Variants in RNGTT observed in about 807,000 individuals in gnomAD.
The protein encoded by RNGTT is mRNA-capping enzyme.
Under a neutral mutation model 79.3 loss-of-function variants are expected in RNGTT, and 33 were observed. The ratio of observed to expected loss-of-function variants is 0.42; its 90% confidence interval spans 0.32 to 0.56. The LOEUF (loss-of-function observed/expected upper bound fraction) is 0.56. Among genes scored for constraint, RNGTT ranks in the 20% least tolerant of loss-of-function variants. The probability of loss-of-function intolerance (pLI) is 0.17; values close to 1 mark genes in which losing one functional copy is unlikely to be tolerated. For synonymous variants in RNGTT, 222 were observed against 235.9 expected, an observed-to-expected ratio of 0.94 and a Z score of 0.54; for missense variants, 497 against 739.1, an observed-to-expected ratio of 0.67 and a Z score of 3.80.
chr6:88,717,422 G>T lies in RNGTT; in HGVS notation c.1440-39003C>A, dbSNP rs9444641. Among the ~76,000 whole-genome samples, 1,176 of 152,174 alleles carry T rather than the reference G, an allele frequency of 7.7e-3. 8 individuals carry two copies. Among genetic ancestry groups the T allele is most frequent in the African/African-American group, 0.026 (1,088 of 41,532 alleles). Reference sequence around the variant, plus strand: ...TCTCAAGAAATACGCACCTATTTTTGATTTCAATTCAACAAGTAATTAGTG... The same window carrying T: ...TCTCAAGAAATACGCACCTATTTTTTATTTCAATTCAACAAGTAATTAGTG... On this transcript the variant is annotated intron_variant, in intron 13 of 15. Coordinates refer to ENST00000369485, the MANE Select transcript of RNGTT (RefSeq NM_003800.5).
At chr6:88,695,612 T>A (rs1775635267) in intron 13 of RNGTT, among the ~76,000 whole-genome samples, 1 of 152,094 alleles carries the variant, frequency 6.6e-6, no homozygotes, top group East Asian at 1.9e-4. Context: ...AAACTAAAAG[T>A]AGAATTATGA....
chr6:88,786,135 T>C (rs190689924), intron 12 of RNGTT, among the ~76,000 whole-genome samples: 8 of 152,260 alleles, frequency 5.3e-5, no homozygotes, highest in Middle Eastern at 3.5e-3. Context: ...ACTTCAATTA[T>C]ACAATCCACT....
At chr6:88,791,521 G>A (rs987792948) in intron 12 of RNGTT, among the ~76,000 whole-genome samples, 16 of 151,942 alleles carry the variant, frequency 1.1e-4, no homozygotes, top group African/African-American at 2.2e-4. Context: ...GTACCATCAC[G>A]TTTTCTAAAT....
intron 13 of RNGTT, among the ~76,000 whole-genome samples, chr6:88,758,121 T>C (rs1778081597): frequency 6.6e-6 from 1 of 152,186 alleles, no homozygotes; most frequent in South Asian, 2.1e-4. Flanking sequence ...AGTCTTTGTC[T>C]CTATATTGCT....
intron 11 of RNGTT, among the ~76,000 whole-genome samples, chr6:88,833,432 G>A (rs1276491268): frequency 6.6e-6 from 1 of 152,100 alleles, no homozygotes; most frequent in African/African-American, 2.4e-5. Flanking sequence ...GGGGGTTGGG[G>A]GCTATGGGAG....
rs774811552 is a variant in RNGTT at position 88,942,836 on chromosome 6, A to G, written c.65-1656T>C. ...TCCACATTGCTAAATCAAATGGTCA[A>G]CTCTCAGTTCTCACCTTAAGCTCTC... is the stretch of plus-strand genomic sequence containing the variant. On this transcript the variant is annotated intron_variant, in intron 1 of 15. Coordinates refer to ENST00000369485, the MANE Select transcript of RNGTT (RefSeq NM_003800.5). 6.6e-5 allele frequency among the ~76,000 whole-genome samples: 10 copies of G among 152,194 alleles called. No homozygotes were observed. The East Asian group carries it at 9.6e-4, about 15-fold the overall frequency.
intron 14 of RNGTT, 42 bp downstream of exon 14, chr6:88,678,311 G>A (rs538027262): frequency 2.5e-6 from 4 of 1,581,930 alleles, no homozygotes; most frequent in South Asian, 1.2e-5. Context: ...TTCTAGATAA[G>A]AGAACATCCA....
intron 13 of RNGTT, among the ~76,000 whole-genome samples, chr6:88,743,779 G>A (rs1224289758): frequency 6.6e-6 from 1 of 152,140 alleles, no homozygotes; most frequent in East Asian, 1.9e-4. Flanking sequence ...ATAAACATGA[G>A]GGTATAAATC....
At chr6:88,712,514 G>A (rs1463246100) in intron 13 of RNGTT, among the ~76,000 whole-genome samples, 3 of 152,036 alleles carry the variant, frequency 2.0e-5, no homozygotes, top group Non-Finnish European at 4.4e-5. Flanking sequence ...TCACCATGTT[G>A]CCCACCAGGC....
intron 13 of RNGTT, among the ~76,000 whole-genome samples, chr6:88,733,180 G>A (rs1777169915): frequency 6.6e-6 from 1 of 151,976 alleles, no homozygotes; most frequent in South Asian, 2.1e-4. Flanking sequence ...GGGCAACATG[G>A]CAAAACCCCA....
At chr6:88,905,028 T>C in intron 5 of RNGTT, 73 bp from the exon 6 acceptor site, 2 of 1,543,888 alleles carry the variant, frequency 1.3e-6, no homozygotes, top group Non-Finnish European at 1.7e-6. Flanking sequence ...ACTCACTTAT[T>C]ATATTCAAGG....
chr6:88,929,032 A>T lies in RNGTT; in HGVS notation c.320T>A (p.Ile107Asn), dbSNP rs1386640938. The part of the protein sequence containing the change: ...CPTTENTETF[I>N]RLCERFNERN... ...TTCATTAAACCGCTCACACAGACGA[A>T]TAAAGGTCTCAGTATTCTCAGTGGT... is the stretch of plus-strand genomic sequence containing the variant. The change falls in exon 4 of 16, where the codon ATT (isoleucine) becomes AAT (asparagine). Residue 107 changes from isoleucine to asparagine, a missense_variant. Transcript: ENST00000369485. 1 of 1,613,288 alleles carries T rather than the reference A, an allele frequency of 6.2e-7. No homozygotes were observed. Among genetic ancestry groups the T allele is most frequent in the Non-Finnish European group, 8.5e-7 (1 of 1,179,674 alleles).
chr6:88,783,359 G>T (rs1360523711), intron 12 of RNGTT, among the ~76,000 whole-genome samples: 1 of 152,100 alleles, frequency 6.6e-6, no homozygotes, highest in East Asian at 1.9e-4. Flanking sequence ...TAGAAGCAGA[G>T]ATTAGGATGG....
intron 13 of RNGTT, among the ~76,000 whole-genome samples, chr6:88,711,284 A>G (rs1439706533): frequency 2.0e-5 from 3 of 152,214 alleles, no homozygotes; most frequent in Non-Finnish European, 4.4e-5. Flanking sequence ...ACACCTGAAG[A>G]CACCTTACCA....
intron 12 of RNGTT, among the ~76,000 whole-genome samples, chr6:88,771,315 G>GTGTGTGTATATATATATATATATATATA (rs1303688973): frequency 4.8e-5 from 3 of 62,066 alleles, no homozygotes; most frequent in Non-Finnish European, 9.0e-5. Context: ...GTGTGTGTGT[G>GTGTGTGTATATATATATATATATATATA]TATATATATA....
At chr6:88,638,629 AATGTAACAC>A (rs1382547576) in intron 14 of RNGTT, among the ~76,000 whole-genome samples, 1 of 152,186 alleles carries the variant, frequency 6.6e-6, no homozygotes, top group Non-Finnish European at 1.5e-5. Flanking sequence ...CTTAATCATG[AATGTAACAC>A]ATTAAGACAT....
chr6:88,805,621 G>C (rs1779929102), intron 11 of RNGTT, among the ~76,000 whole-genome samples: 1 of 152,154 alleles, frequency 6.6e-6, no homozygotes, highest in Non-Finnish European at 1.5e-5. Context: ...AAACTTCACT[G>C]GCAAGAGGGA....
chr6:88,696,157 C>A (rs1434798217), intron 13 of RNGTT, among the ~76,000 whole-genome samples: 1 of 152,134 alleles, frequency 6.6e-6, no homozygotes. Flanking sequence ...CAAACGTGCT[C>A]ACCACAAAAA....
chr6:88,937,621 T>C (rs986952689), intron 2 of RNGTT, among the ~76,000 whole-genome samples: 4 of 152,218 alleles, frequency 2.6e-5, no homozygotes, highest in Non-Finnish European at 4.4e-5. Flanking sequence ...GCCTTTCTAG[T>C]TCCTTGTGGT....
Sources: gnomAD v4.1 joint callset for allele counts (sites outside exome capture counted in the v4.1 genomes callset) on GRCh38, gnomAD v4.1.1 for gene constraint, MANE v1.5 for transcripts, NCBI Gene and HGNC (gene_info 2026-07-23, HGNC 2026-07-21) for gene names.